TBC1D2B: variants seen among roughly 807,000 people sequenced by gnomAD.
TBC1D2B encodes TBC1 domain family member 2B.
A neutral mutation model predicts 100.8 loss-of-function variants in TBC1D2B; 64 were observed. That is an observed-to-expected ratio of 0.64 (90% CI 0.52 to 0.78). The LOEUF is 0.78. TBC1D2B is among the 30% of genes least tolerant of loss of function. TBC1D2B has a pLI of 0.00. For missense variants in TBC1D2B, 1,052 were observed against 1,218.4 expected (o/e 0.86, Z 2.03); for synonymous variants, 480 against 479.7 (o/e 1.00, Z -0.01).
intron 4 of TBC1D2B, among the ~76,000 whole-genome samples, chr15:78,029,350 G>A (rs1176082069): frequency 2.0e-5 from 3 of 152,106 alleles, no homozygotes; most frequent in East Asian, 1.9e-4. Flanking sequence ...AAGCCACCAC[G>A]CCTGGCCAGT....
intron 9 of TBC1D2B, among the ~76,000 whole-genome samples, chr15:78,012,012 C>A (rs558488490): frequency 6.6e-6 from 1 of 152,118 alleles, no homozygotes; most frequent in African/African-American, 2.4e-5. Context: ...CGGGCTCAAG[C>A]GATCCTTCCA....
intron 1 of TBC1D2B, among the ~76,000 whole-genome samples, chr15:78,066,912 A>AC (rs1193125613): frequency 6.6e-6 from 1 of 152,052 alleles, no homozygotes; most frequent in Non-Finnish European, 1.5e-5. Flanking sequence ...TATCAAGTCA[A>AC]CCCCCACTGG....
chr15:78,065,441 C>T (rs1366923416), intron 1 of TBC1D2B, among the ~76,000 whole-genome samples: 1 of 152,254 alleles, frequency 6.6e-6, no homozygotes, highest in Middle Eastern at 3.4e-3. Flanking sequence ...AAGACAAGGG[C>T]AAGGACAAGG....
chr15:78,025,806 G>A (rs1371319680), intron 4 of TBC1D2B, among the ~76,000 whole-genome samples: 3 of 152,074 alleles, frequency 2.0e-5, no homozygotes, highest in Non-Finnish European at 4.4e-5. Context: ...GATTACAGGC[G>A]TGAGCCACCG....
intron 1 of TBC1D2B, among the ~76,000 whole-genome samples, chr15:78,064,146 C>G (rs926461389): frequency 7.2e-5 from 11 of 152,322 alleles, no homozygotes; most frequent in South Asian, 6.2e-4. Context: ...TCCTACTGCA[C>G]TAACACCTCC....
In TBC1D2B at chr15:78,013,163, T is replaced by C; in HGVS notation, c.1930A>G (p.Thr644Ala). ...GVKWENYFAS[T>A]VNREMMCSPE... The stretch of plus-strand genomic sequence containing the variant: ...GAGCACATCATCTCCCTGTTCACTG[T>C]ACTTGCAAAATAGTTTTCCCACTTG... Residue 644 changes from threonine to alanine, a missense_variant, in exon 9 of 13, where the codon ACA (threonine) becomes GCA (alanine). This residue lies in a region of TBC1D2B where 373 missense variants were observed against 464.9 expected (regional missense o/e 0.80). Coordinates refer to ENST00000300584, the MANE Select transcript of TBC1D2B (RefSeq NM_144572.2). 1 of 1,614,008 alleles carries C rather than the reference T, an allele frequency of 6.2e-7. No individual in the cohort carries two copies. The highest frequency in any genetic ancestry group is 1.1e-5 in the South Asian group (1 of 91,074).
chr15:78,043,747 T>C (rs1210040621), intron 3 of TBC1D2B, among the ~76,000 whole-genome samples: 1 of 152,128 alleles, frequency 6.6e-6, no homozygotes, highest in African/African-American at 2.4e-5. Flanking sequence ...AACAAATTCA[T>C]AAGCCAGGGG....
Position 77,996,525 on chromosome 15 carries a change from AGACAAT to A in TBC1D2B, c.*1629_*1634del, listed in dbSNP as rs201461019. On this transcript the variant is annotated 3_prime_UTR_variant, in exon 13 of 13. Coordinates refer to ENST00000300584, the MANE Select transcript of TBC1D2B (RefSeq NM_144572.2). ...CTCAAACTGCTGCTCTCAAAGACAA[AGACAAT>A]GACAAAACCCATTTTTGATGCCTGA... is the stretch of plus-strand genomic sequence containing the variant. The A allele has an allele frequency of 1.3e-5, 2 of 152,226 alleles. No individual in the cohort carries two copies. Among genetic ancestry groups the A allele is most frequent in the East Asian group, 3.9e-4 (2 of 5,192 alleles). 9.4% of individuals were successfully genotyped at this position (152,226 alleles called of 1,614,324 possible).
chr15:78,060,425 C>T (rs184510308), intron 1 of TBC1D2B, among the ~76,000 whole-genome samples: 66 of 150,180 alleles, frequency 4.4e-4, no homozygotes, highest in Admixed American at 8.0e-4. Context: ...ATCACTTGGG[C>T]TCAGGAGTTT....
rs1008382319 is a variant in TBC1D2B, at chr15:78,061,787, GA to G, written c.361-7601del. ...AAATTTAATAAAAACCATTAAATTAGAAAAAAAAAGCCTGTATAATTAAAAT... is the reference window on the plus strand; with the variant it reads ...AAATTTAATAAAAACCATTAAATTAGAAAAAAAAGCCTGTATAATTAAAAT... On this transcript the variant is annotated intron_variant, in intron 1 of 12. Transcript: ENST00000300584. 3.1e-4 allele frequency among the ~76,000 whole-genome samples: 46 copies of G among 149,710 alleles called. No individual in the cohort carries two copies. In the East Asian group the frequency reaches 3.3e-3, roughly 11 times the overall value.
At position 78,025,350 on chromosome 15, in the gene TBC1D2B, C is replaced by T; in HGVS notation, c.995G>A (p.Ser332Asn). Reference protein sequence around the residue: ...SEGTSGSGSVSIRKPASEMQL... With the variant: ...SEGTSGSGSVNIRKPASEMQL... ...CATTTCGGAGGCCGGCTTCCTGATGCTGACGCTGCCACTGCCTGATGTGCC... is the reference window on the plus strand; with the variant it reads ...CATTTCGGAGGCCGGCTTCCTGATGTTGACGCTGCCACTGCCTGATGTGCC... Residue 332 changes from serine (S) to asparagine (N), a missense_variant, in exon 5 of 13, where the codon AGC becomes AAC. Around this residue, in one of 4 missense-constraint regions of TBC1D2B, gnomAD observed 627 missense variants for 646.1 expected, o/e 0.97. Coordinates refer to ENST00000300584, the MANE Select transcript of TBC1D2B (RefSeq NM_144572.2). 9 of 1,613,942 alleles carry T rather than the reference C, an allele frequency of 5.6e-6. No homozygotes were observed. Among genetic ancestry groups the T allele is most frequent in the Non-Finnish European group, 7.6e-6 (9 of 1,179,886 alleles).
At chr15:78,074,982 A>T (rs1266035545) in intron 1 of TBC1D2B, among the ~76,000 whole-genome samples, 2 of 152,068 alleles carry the variant, frequency 1.3e-5, no homozygotes, top group Admixed American at 1.3e-4. Flanking sequence ...TGCGCCAGCC[A>T]TTTTCCATAA....
intron 3 of TBC1D2B, among the ~76,000 whole-genome samples, chr15:78,037,230 T>G (rs1434334654): frequency 2.0e-5 from 3 of 152,058 alleles, no homozygotes; most frequent in Non-Finnish European, 2.9e-5. Flanking sequence ...CTTAGCACCC[T>G]ACGCACCTGG....
chr15:78,053,091 C>A (rs769424287), intron 2 of TBC1D2B, among the ~76,000 whole-genome samples: 1 of 152,280 alleles, frequency 6.6e-6, no homozygotes, highest in East Asian at 1.9e-4. Context: ...AATTTGGAGA[C>A]GAAAAATTCA....
At chr15:78,052,852 T>C (rs771371624) in intron 2 of TBC1D2B, among the ~76,000 whole-genome samples, 3 of 151,980 alleles carry the variant, frequency 2.0e-5, no homozygotes, top group Non-Finnish European at 4.4e-5. Context: ...TCAAAACAAC[T>C]CAGTTAACAG....
At chr15:77,998,394 G>A (rs1372357143) in intron 12 of TBC1D2B, 39 bp from the exon 13 acceptor site, 43 of 1,519,018 alleles carry the variant, frequency 2.8e-5, no homozygotes, top group East Asian at 1.5e-4. Context: ...AATCAGCGGC[G>A]CTCCAGAGAG....
At chr15:78,076,763 TAAAC>T (rs1034717109) in intron 1 of TBC1D2B, among the ~76,000 whole-genome samples, 2 of 152,062 alleles carry the variant, frequency 1.3e-5, no homozygotes, top group Admixed American at 6.5e-5. Context: ...AAAGAATAAA[TAAAC>T]AAATAAATAA....
At chr15:78,063,601 C>T (rs2073593948) in intron 1 of TBC1D2B, among the ~76,000 whole-genome samples, 1 of 152,138 alleles carries the variant, frequency 6.6e-6, no homozygotes, top group South Asian at 2.1e-4. Context: ...AGCATAGTGT[C>T]ACTGGGAGAG....
intron 3 of TBC1D2B, among the ~76,000 whole-genome samples, chr15:78,040,861 A>AG (rs2073072928): frequency 7.0e-6 from 1 of 142,708 alleles, no homozygotes; most frequent in South Asian, 2.3e-4. Context: ...AAAGGAAGAA[A>AG]GAAAGAAAGA....
Sources: gnomAD v4.1 joint callset for allele counts (sites outside exome capture counted in the v4.1 genomes callset) on GRCh38, gnomAD v4.1.1 for gene constraint, gnomAD v4.1.1 regional missense constraint, MANE v1.5 for transcripts, NCBI Gene and HGNC (gene_info 2026-07-23, HGNC 2026-07-21) for gene names.